The following ODR4 variants were observed in gnomAD, a reference collection of about 807,000 sequenced individuals.
The protein encoded by ODR4 is odr-4 GPCR localization factor homolog.
ODR4 carries 47 observed loss-of-function variants against 60.2 expected under a neutral mutation model. That is an observed-to-expected ratio of 0.78 (90% confidence interval 0.62 to 1.00). ODR4 has a LOEUF of 1.00. ODR4 is among the 50% of genes least tolerant of loss of function. ODR4 has a pLI of 0.00. For missense variants in ODR4, 488 were observed against 530.8 expected (o/e 0.92, Z 0.79); for synonymous variants, 178 against 175.5 (o/e 1.01, Z -0.11).
chr1:186,406,295 C>T, intron 12 of ODR4, 27 bp downstream of exon 12: 1 of 1,498,502 alleles, frequency 6.7e-7, no homozygotes, highest in Non-Finnish European at 9.0e-7. Context: ...ATTTAAGAAC[C>T]TGGTTAGATT....
chr1:186,393,076 A>T (rs547450782), intron 8 of ODR4, among the ~76,000 whole-genome samples: 1 of 152,302 alleles, frequency 6.6e-6, no homozygotes, highest in African/African-American at 2.4e-5. Flanking sequence ...GTTCTGACTT[A>T]TAAGTGGGAG....
At position 186,384,157 on chromosome 1, in the gene ODR4, A is replaced by T. The variant is rs1372410125; in HGVS notation, c.234+1001A>T. On this transcript the variant is annotated intron_variant, in intron 3 of 13. Coordinates refer to ENST00000287859, the MANE Select transcript of ODR4 (RefSeq NM_017847.6). ...AAAGAAAAAAAGGCCTGTTTGGCTC[A>T]TGATTCTGCTGGCTGCAAGATTGAG... is the stretch of plus-strand genomic sequence containing the variant. Among the ~76,000 whole-genome samples, 11 of 152,216 alleles carry T rather than the reference A, an allele frequency of 7.2e-5. 1 individual carries two copies. Among genetic ancestry groups the T allele is most frequent in the Admixed American group, 7.2e-4 (11 of 15,280 alleles).
the ODR4 span, among the ~76,000 whole-genome samples, chr1:186,434,115 T>C: frequency 5.5e-4 from 84 of 151,386 alleles, no homozygotes; most frequent in Middle Eastern, 3.4e-3. Context: ...CTAGTGGTAC[T>C]GTACCATTTT....
At chr1:186,426,844 A>C in the ODR4 span, among the ~76,000 whole-genome samples, 1 of 151,930 alleles carries the variant, frequency 6.6e-6, no homozygotes, top group Admixed American at 6.5e-5. Flanking sequence ...TAATATCATA[A>C]TCAAGTCACA....
rs200057679 is a variant in ODR4 at position 186,390,897 on chromosome 1, A to C, written c.615+46A>C. On this transcript the variant is annotated intron_variant, in intron 7 of 13. Transcript: ENST00000287859. ...TTCTTCAGTGATTGCTGAGTGAACA[A>C]TCTGCTTTTATTCTGCTTACATGTG... 8.5e-6 allele frequency: 13 copies of C among 1,536,342 alleles called. No homozygotes were observed. The Middle Eastern group carries it at 5.1e-4, about 60-fold the overall frequency.
chr1:186,425,535 A>G (rs1277616923), downstream of ODR4, among the ~76,000 whole-genome samples: 3 of 152,106 alleles, frequency 2.0e-5, no homozygotes, highest in East Asian at 1.9e-4. Context: ...TGACTTTTCC[A>G]TTAGAAAATC....
intron 3 of ODR4, among the ~76,000 whole-genome samples, chr1:186,383,820 C>T (rs537425991): frequency 2.0e-5 from 3 of 151,138 alleles, no homozygotes; most frequent in Middle Eastern, 3.4e-3. Flanking sequence ...GGTGGATCAC[C>T]TGAGGTCAGG....
At chr1:186,380,622 A>G (rs1659988326) in intron 2 of ODR4, among the ~76,000 whole-genome samples, 1 of 150,210 alleles carries the variant, frequency 6.7e-6, no homozygotes, top group Non-Finnish European at 1.5e-5. Flanking sequence ...GACTGTGTCC[A>G]TCCAAACACA....
At chr1:186,417,929 A>G (rs1661633899) in intron 13 of ODR4, among the ~76,000 whole-genome samples, 1 of 152,208 alleles carries the variant, frequency 6.6e-6, no homozygotes, top group South Asian at 2.1e-4. Flanking sequence ...TTAATATAGT[A>G]GGGCTAATGT....
At chr1:186,403,200 T>C (rs1420834024) in intron 11 of ODR4, among the ~76,000 whole-genome samples, 1 of 152,122 alleles carries the variant, frequency 6.6e-6, no homozygotes, top group Non-Finnish European at 1.5e-5. Flanking sequence ...AAAGAATACA[T>C]TGTAAGTGTG....
intron 11 of ODR4, chr1:186,401,327 G>A: frequency 3.2e-6 from 2 of 633,850 alleles, no homozygotes; most frequent in Non-Finnish European, 5.3e-6. Context: ...TGGCAATTGG[G>A]TGGCCTTGGG....
At position 186,380,858 on chromosome 1, in the gene ODR4, C is replaced by T. The variant is rs142398483; in HGVS notation, c.99+974C>T. Among the ~76,000 whole-genome samples the T allele has an allele frequency of 1.5e-4, 23 of 152,340 alleles. No individual in the cohort carries two copies. The East Asian group carries it at 4.2e-3, about 28-fold the overall frequency. ...TAAAGAATACACTGTCCAGAGGACT[C>T]AAGTGTTCAGATGCCTTCATGACAT... is the stretch of plus-strand genomic sequence containing the variant. On this transcript the variant is annotated intron_variant, in intron 2 of 13. Coordinates refer to ENST00000287859, the MANE Select transcript of ODR4 (RefSeq NM_017847.6).
chr1:186,390,800 C>T lies in ODR4; in HGVS notation c.564C>T (p.His188=). 2 of 1,612,920 alleles carry T rather than the reference C, an allele frequency of 1.2e-6. No individual in the cohort carries two copies. The highest frequency in any genetic ancestry group is 1.3e-5 in the African/African-American group (1 of 75,010). The change falls in exon 7 of 14, where the codon CAC becomes CAT. Residue 188 remains histidine, a synonymous_variant. Transcript: ENST00000287859. The stretch of plus-strand genomic sequence containing the variant: ...AGTGTACAGTTCACATTAATATTCA[C>T]ATCCCACTTTCTGCTACTTCTGTCA... ...SLECTVHINI[H]IPLSATSVSY...
intron 7 of ODR4, among the ~76,000 whole-genome samples, chr1:186,391,379 C>T (rs911790397): frequency 1.4e-5 from 2 of 139,586 alleles, no homozygotes; most frequent in Non-Finnish European, 1.6e-5. Flanking sequence ...TTATTTGATG[C>T]TTTTTTCTCA....
chr1:186,381,360 G>GCTGT, intron 2 of ODR4, among the ~76,000 whole-genome samples: 1 of 145,774 alleles, frequency 6.9e-6, no homozygotes, highest in Admixed American at 6.8e-5. Flanking sequence ...ACGGAGTCTC[G>GCTGT]CTGTCGCCCA....
chr1:186,417,893 A>G (rs1031133849), intron 13 of ODR4, among the ~76,000 whole-genome samples: 1 of 152,230 alleles, frequency 6.6e-6, no homozygotes, highest in African/African-American at 2.4e-5. Flanking sequence ...TCTTAAAAGA[A>G]AAAGCTGCAG....
In ODR4 at chr1:186,408,970, C is replaced by A. The variant is rs114412558; in HGVS notation, c.1186+2702C>A. Among the ~76,000 whole-genome samples the A allele has an allele frequency of 7.5e-3, 1,136 of 151,816 alleles. 19 individuals carry two copies. The highest frequency in any genetic ancestry group is 0.025 in the African/African-American group (1,030 of 41,476). On this transcript the variant is annotated intron_variant, in intron 12 of 13. Coordinates refer to ENST00000287859, the MANE Select transcript of ODR4 (RefSeq NM_017847.6). The stretch of plus-strand genomic sequence containing the variant: ...CACAAGTATATAGACTAGTTTAAGA[C>A]TGTTTTATTCAGTTCTTTTTAAGTT...
intron 7 of ODR4, among the ~76,000 whole-genome samples, 183 bp downstream of exon 7, chr1:186,391,034 A>G (rs1417721063): frequency 2.6e-5 from 4 of 152,194 alleles, no homozygotes; most frequent in African/African-American, 9.6e-5. Flanking sequence ...AAGTGGAACA[A>G]TGTCATAATA....
At chr1:186,416,546 C>T (rs1221343006) in intron 12 of ODR4, among the ~76,000 whole-genome samples, 1 of 152,076 alleles carries the variant, frequency 6.6e-6, no homozygotes, top group Non-Finnish European at 1.5e-5. Flanking sequence ...GTGGTGCACC[C>T]CTGTAGTCCC....
Sources: gnomAD v4.1 joint callset for allele counts (sites outside exome capture counted in the v4.1 genomes callset) on GRCh38, gnomAD v4.1.1 for gene constraint, MANE v1.5 for transcripts, NCBI Gene and HGNC (gene_info 2026-07-23, HGNC 2026-07-21) for gene names.